RPF2: variants seen among roughly 807,000 people sequenced by gnomAD.
RPF2 encodes brix domain containing 1.
Under a neutral mutation model 38.9 loss-of-function variants are expected in RPF2, and 21 were observed. That is an observed-to-expected ratio of 0.54 (90% confidence interval 0.38 to 0.78). The LOEUF (loss-of-function observed/expected upper bound fraction) is 0.78. Ranked by LOEUF, RPF2 falls within the 30% of genes least tolerant of loss-of-function variation. The probability of loss-of-function intolerance (pLI) is 0.00; values close to 1 mark genes in which losing one functional copy is unlikely to be tolerated. For missense variants in RPF2, 314 were observed against 358.1 expected (o/e 0.88, Z 0.99); for synonymous variants, 121 against 126.2 (o/e 0.96, Z 0.28).
Position 110,994,939 on chromosome 6 carries a change from C to G in RPF2, c.235-2244C>G, listed in dbSNP as rs141604917. On this transcript the variant is annotated intron_variant, in intron 4 of 9. Transcript: ENST00000441448. Reference sequence around the variant, plus strand: ...ATTTTAATTGAGACAGGGTCTCACTCTGTCACCCAGGCTTGAGTGCTATGG... The same window carrying G: ...ATTTTAATTGAGACAGGGTCTCACTGTGTCACCCAGGCTTGAGTGCTATGG... Among the ~76,000 whole-genome samples, 48 of 152,192 alleles carry G rather than the reference C, an allele frequency of 3.2e-4. No homozygotes were observed. The East Asian group carries it at 8.5e-3, about 27-fold the overall frequency.
At chr6:110,984,085 T>G (rs1771481517) in intron 1 of RPF2, among the ~76,000 whole-genome samples, 1 of 152,156 alleles carries the variant, frequency 6.6e-6, no homozygotes, top group South Asian at 2.1e-4. Context: ...GTGGTGAAGA[T>G]TAAGCCTTAA....
At chr6:111,008,196 C>T in intron 7 of RPF2, 59 bp downstream of exon 7, 17 of 1,488,444 alleles carry the variant, frequency 1.1e-5, no homozygotes, top group Non-Finnish European at 1.5e-5. Flanking sequence ...CTCAGACTCT[C>T]ACTGGTGGCA....
rs1416409872 is a variant in RPF2 at position 111,027,152 on chromosome 6, A to G, written c.*1570A>G. ...TCAGCTACAGATCAACAATGCTGGC[A>G]CTAAGCAAAAGTTCGAGCCTCAGCT... is the stretch of plus-strand genomic sequence containing the variant. On this transcript the variant is annotated 3_prime_UTR_variant, in exon 10 of 10. Coordinates refer to ENST00000441448, the MANE Select transcript of RPF2 (RefSeq NM_032194.3). 6.6e-6 allele frequency: 1 copy of G among 152,212 alleles called. No individual in the cohort carries two copies. The highest frequency in any genetic ancestry group is 1.5e-5 in the Non-Finnish European group (1 of 68,074). The allele number at this position is 152,212 out of a possible 1,614,324, so 9.4% of individuals were successfully genotyped here. A position where few individuals can be genotyped will look rare whatever the true frequency, so the allele number is the denominator to read the frequency against.
At chr6:111,015,729 TTAA>T in intron 7 of RPF2, 22 bp from the exon 8 acceptor site, 1 of 1,468,738 alleles carries the variant, frequency 6.8e-7, no homozygotes, top group Non-Finnish European at 9.5e-7. Flanking sequence ...TTTTGTTTTG[TTAA>T]TAATTTAATA....
intron 4 of RPF2, among the ~76,000 whole-genome samples, chr6:110,996,824 CAG>C (rs1237688700): frequency 2.6e-5 from 4 of 152,034 alleles, no homozygotes; most frequent in Non-Finnish European, 4.4e-5. Context: ...TTTTTTTAGA[CAG>C]AGTCTTACTC....
intron 6 of RPF2, among the ~76,000 whole-genome samples, chr6:111,004,425 A>G (rs1421826161): frequency 6.6e-6 from 1 of 151,764 alleles, no homozygotes; most frequent in Non-Finnish European, 1.5e-5. Context: ...CTTGTGATCC[A>G]CCCACCTCGG....
intron 6 of RPF2, among the ~76,000 whole-genome samples, chr6:111,007,359 T>G (rs1486132696): frequency 6.6e-6 from 1 of 152,256 alleles, no homozygotes; most frequent in Non-Finnish European, 1.5e-5. Flanking sequence ...TTTTGCCATC[T>G]TTTATTTGGT....
At position 110,990,573 on chromosome 6, in the gene RPF2, C is replaced by G. The variant is rs1267387857; in HGVS notation, c.195-1174C>G. ...GGCAATTGGGAACCCCCCCCCCCCC[C>G]ACCTTTTCTTTTGTTTGTTTTTTTA... is the stretch of plus-strand genomic sequence containing the variant. On this transcript the variant is annotated intron_variant, in intron 3 of 9. Transcript: ENST00000441448. Among the ~76,000 whole-genome samples the G allele has an allele frequency of 2.5e-3, 218 of 88,686 alleles. 2 individuals are homozygous for G. Among genetic ancestry groups the G allele is most frequent in the African/African-American group, 5.9e-3 (92 of 15,594 alleles). The allele number at this position is 88,686 out of a possible 152,430, so 58.2% of individuals were successfully genotyped here. A position where few individuals can be genotyped will look rare whatever the true frequency, so the allele number is the denominator to read the frequency against.
At chr6:110,995,045 C>T (rs1771688764) in intron 4 of RPF2, among the ~76,000 whole-genome samples, 1 of 151,878 alleles carries the variant, frequency 6.6e-6, no homozygotes. Context: ...GCTGGGACCA[C>T]AGGTGTATAC....
At chr6:110,985,703 G>T (rs1351994315) in intron 2 of RPF2, among the ~76,000 whole-genome samples, 1 of 152,116 alleles carries the variant, frequency 6.6e-6, no homozygotes. Context: ...ACTTTGGGAG[G>T]CCGAGGCAGG....
intron 2 of RPF2, among the ~76,000 whole-genome samples, chr6:110,985,753 C>T (rs961543702): frequency 6.6e-6 from 1 of 152,030 alleles, no homozygotes; most frequent in African/African-American, 2.4e-5. Flanking sequence ...GCCTGGCCAA[C>T]ATGGTGAAAC....
chr6:111,007,085 C>G (rs1056686172), intron 6 of RPF2, among the ~76,000 whole-genome samples: 22 of 151,894 alleles, frequency 1.4e-4, no homozygotes, highest in African/African-American at 5.3e-4. Context: ...CACTGTGTTG[C>G]CCAGGCTGGT....
chr6:110,992,453 T>C (rs1045651540), intron 4 of RPF2, among the ~76,000 whole-genome samples: 10 of 151,926 alleles, frequency 6.6e-5, no homozygotes, highest in Non-Finnish European at 1.2e-4. Context: ...TACTTTTTTT[T>C]TTTTTTTGAA....
chr6:111,018,047 C>T (rs536637393), intron 8 of RPF2, among the ~76,000 whole-genome samples: 3 of 152,186 alleles, frequency 2.0e-5, no homozygotes, highest in Admixed American at 1.3e-4. Flanking sequence ...CCCGTCCCCA[C>T]CAAAAAAATA....
intron 1 of RPF2, among the ~76,000 whole-genome samples, chr6:110,984,733 G>A (rs1015703282): frequency 2.0e-5 from 3 of 152,022 alleles, no homozygotes; most frequent in Admixed American, 6.6e-5. Context: ...CTAGCTACTC[G>A]GGAGGCTGAG....
intron 8 of RPF2, among the ~76,000 whole-genome samples, chr6:111,020,748 C>T (rs1772217680): frequency 6.6e-6 from 1 of 152,076 alleles, no homozygotes; most frequent in Non-Finnish European, 1.5e-5. Flanking sequence ...GTAATCCCAG[C>T]TACTCAGGAG....
chr6:111,020,008 G>A (rs925073924), intron 8 of RPF2, among the ~76,000 whole-genome samples: 5 of 150,888 alleles, frequency 3.3e-5, no homozygotes, highest in Admixed American at 6.6e-5. Context: ...TCTGCCTCCC[G>A]GGTTCATGCC....
chr6:110,995,889 T>G (rs1057212178), intron 4 of RPF2, among the ~76,000 whole-genome samples: 2 of 151,406 alleles, frequency 1.3e-5, no homozygotes, highest in Non-Finnish European at 2.9e-5. Flanking sequence ...GCTCACTGCA[T>G]GTAGCCTTGA....
chr6:111,014,261 C>T (rs533767338), intron 7 of RPF2, among the ~76,000 whole-genome samples: 3 of 152,020 alleles, frequency 2.0e-5, no homozygotes, highest in Non-Finnish European at 4.4e-5. Flanking sequence ...CTCAGCCTCC[C>T]AAGTAGCTAG....
Sources: gnomAD v4.1 joint callset for allele counts (sites outside exome capture counted in the v4.1 genomes callset) on GRCh38, gnomAD v4.1.1 for gene constraint, MANE v1.5 for transcripts, NCBI Gene and HGNC (gene_info 2026-07-23, HGNC 2026-07-21) for gene names.